The following KCNMB2 variants were observed in gnomAD, a reference collection of about 807,000 sequenced individuals.
The protein encoded by KCNMB2 is calcium-activated potassium channel subunit beta-2.
In KCNMB2, 9 loss-of-function variants were observed where a neutral mutation model predicts 24.5. That is an observed-to-expected ratio of 0.37 (90% CI 0.22 to 0.64). The LOEUF is 0.64. Ranked by LOEUF, KCNMB2 falls within the 30% of genes least tolerant of loss-of-function variation. The pLI is 0.63. For synonymous variants in KCNMB2, 109 were observed against 104.4 expected (o/e 1.04, Z -0.27); for missense variants, 226 against 284.3 (o/e 0.79, Z 1.47).
At chr3:178,830,755 G>A (rs537796213) in intron 4 of KCNMB2, among the ~76,000 whole-genome samples, 1 of 152,134 alleles carries the variant, frequency 6.6e-6, no homozygotes, top group South Asian at 2.1e-4. Context: ...GTCCGTGCAA[G>A]TTGTTTGCCC....
At chr3:178,833,987 C>A (rs1442896669) in intron 4 of KCNMB2, among the ~76,000 whole-genome samples, 1 of 152,144 alleles carries the variant, frequency 6.6e-6, no homozygotes, top group African/African-American at 2.4e-5. Context: ...GTGGTTGTTG[C>A]TTGTGAATAC....
At chr3:178,660,904 T>A (rs1338558230) in intron 1 of KCNMB2, among the ~76,000 whole-genome samples, 1 of 152,076 alleles carries the variant, frequency 6.6e-6, no homozygotes, top group African/African-American at 2.4e-5. Context: ...TTCAGACAGA[T>A]CCTTCTATGT....
chr3:178,571,463 T>C (rs1300389617), intron 1 of KCNMB2, among the ~76,000 whole-genome samples: 2 of 118,224 alleles, frequency 1.7e-5, no homozygotes, highest in Non-Finnish European at 3.5e-5. Flanking sequence ...TATATATATA[T>C]ATATATATAT....
At chr3:178,564,249 G>T (rs2108468019) in intron 1 of KCNMB2, among the ~76,000 whole-genome samples, 1 of 150,560 alleles carries the variant, frequency 6.6e-6, no homozygotes, top group African/African-American at 2.5e-5. Context: ...GTGCACTCCA[G>T]CCTGGGCGAC....
chr3:178,639,003 T>A (rs1363919823), intron 1 of KCNMB2, among the ~76,000 whole-genome samples: 1 of 152,200 alleles, frequency 6.6e-6, no homozygotes, highest in Non-Finnish European at 1.5e-5. Context: ...GCTACAGATT[T>A]CATGTGTTAG....
intron 1 of KCNMB2, among the ~76,000 whole-genome samples, chr3:178,779,421 G>C (rs1712731246): frequency 6.6e-6 from 1 of 152,140 alleles, no homozygotes; most frequent in Non-Finnish European, 1.5e-5. Context: ...AATTGTACTG[G>C]CATAGGTAAA....
intron 2 of KCNMB2, among the ~76,000 whole-genome samples, chr3:178,816,136 T>C (rs1487216131): frequency 2.0e-5 from 3 of 152,104 alleles, no homozygotes; most frequent in East Asian, 3.9e-4. Flanking sequence ...ATTATGGTGA[T>C]ATTTTTAATT....
chr3:178,830,143 A>G (rs1412205060), intron 4 of KCNMB2, among the ~76,000 whole-genome samples: 1 of 152,140 alleles, frequency 6.6e-6, no homozygotes, highest in Non-Finnish European at 1.5e-5. Flanking sequence ...TCACCTAAGG[A>G]TATATCCTTA....
chr3:178,754,177 TAC>T (rs1282906632), intron 1 of KCNMB2, among the ~76,000 whole-genome samples: 41 of 117,212 alleles, frequency 3.5e-4, no homozygotes, highest in Admixed American at 2.6e-3. Context: ...TATATATATA[TAC>T]ACACACACAC....
At chr3:178,641,875 T>C (rs1413866516) in intron 1 of KCNMB2, among the ~76,000 whole-genome samples, 2 of 152,176 alleles carry the variant, frequency 1.3e-5, no homozygotes, top group Admixed American at 1.3e-4. Context: ...GGGTAAATCT[T>C]ATTTTTAAAA....
At chr3:178,570,508 A>T (rs1424523898) in intron 1 of KCNMB2, among the ~76,000 whole-genome samples, 1 of 146,134 alleles carries the variant, frequency 6.8e-6, no homozygotes, top group Non-Finnish European at 1.5e-5. Flanking sequence ...ACCAAAGGTA[A>T]TGATACCTTT....
chr3:178,732,383 A>G (rs1282251741), intron 1 of KCNMB2, among the ~76,000 whole-genome samples: 1 of 152,220 alleles, frequency 6.6e-6, no homozygotes, highest in Non-Finnish European at 1.5e-5. Flanking sequence ...AGAGACATAC[A>G]TGTGCAGAGA....
Position 178,546,309 on chromosome 3 carries a change from T to C in KCNMB2, c.-68+9598T>C, listed in dbSNP as rs74401607. On this transcript the variant is annotated intron_variant, in intron 1 of 4. Transcript: ENST00000452583. ...TTGCTGAACTGAAAGTGAAAAAAAC[T>C]GGTATAAAGAAAACAAATGTGCTCT... 7.2e-3 allele frequency among the ~76,000 whole-genome samples: 1,100 copies of C among 152,284 alleles called. 14 individuals are homozygous for C. Among genetic ancestry groups the C allele is most frequent in the African/African-American group, 0.025 (1,059 of 41,548 alleles).
rs11348394 is a variant in KCNMB2 at position 178,573,746 on chromosome 3, C to CA, written c.-68+37058dup. Among the ~76,000 whole-genome samples the CA allele has an allele frequency of 9.1e-3, 714 of 78,286 alleles. 3 individuals carry two copies. The highest frequency in any genetic ancestry group is 0.011 in the East Asian group (31 of 2,748). 51.4% of individuals were successfully genotyped at this position (78,286 alleles called of 152,430 possible). A position where few individuals can be genotyped will look rare whatever the true frequency, so the allele number is the denominator to read the frequency against. ...TGGGTAACAGAGTGAGACCCTGTCT[C>CA]AAAAAAAAAAAAAAAAAAAAAAAGG... On this transcript the variant is annotated intron_variant, in intron 1 of 4. Coordinates refer to ENST00000452583, the MANE Select transcript of KCNMB2 (RefSeq NM_181361.3).
chr3:178,625,031 G>A (rs1187742344), intron 1 of KCNMB2, among the ~76,000 whole-genome samples: 4 of 152,250 alleles, frequency 2.6e-5, no homozygotes, highest in African/African-American at 4.8e-5. Context: ...AGGGCAAGGA[G>A]GGCACAGGGG....
At chr3:178,624,250 T>C (rs1719023571) in intron 1 of KCNMB2, among the ~76,000 whole-genome samples, 1 of 21,286 alleles carries the variant, frequency 4.7e-5, no homozygotes, top group Non-Finnish European at 8.6e-5. Context: ...GGTAATTTTT[T>C]TTTTTTTTTT....
At chr3:178,639,788 G>A (rs943812294) in intron 1 of KCNMB2, among the ~76,000 whole-genome samples, 16 of 152,130 alleles carry the variant, frequency 1.1e-4, no homozygotes, top group East Asian at 3.9e-4. Flanking sequence ...ACACACCTAC[G>A]TGTGCCATGT....
At chr3:178,782,361 G>A (rs1342887688) in intron 1 of KCNMB2, among the ~76,000 whole-genome samples, 8 of 149,696 alleles carry the variant, frequency 5.3e-5, no homozygotes, top group African/African-American at 2.0e-4. Context: ...CTGAGGAATC[G>A]CCACACTGAC....
chr3:178,562,744 C>T (rs537117406), intron 1 of KCNMB2, among the ~76,000 whole-genome samples: 17 of 152,272 alleles, frequency 1.1e-4, no homozygotes, highest in South Asian at 2.1e-4. Flanking sequence ...AGGCCCTCCT[C>T]GATCAGAATG....
Sources: allele counts gnomAD v4.1 joint callset (sites outside exome capture counted in the v4.1 genomes callset), GRCh38; gene constraint gnomAD v4.1.1; transcripts MANE v1.5; gene names NCBI Gene and HGNC (gene_info 2026-07-23, HGNC 2026-07-21).